CYBB: variants seen among roughly 807,000 people sequenced by gnomAD.
The protein encoded by CYBB is cytochrome b-245 beta chain, also known as NADPH oxidase 2.
CYBB carries 5 observed loss-of-function variants against 46.5 expected under a neutral mutation model. The observed-to-expected ratio is 0.11, with a 90% CI of 0.06 to 0.23. CYBB has a LOEUF of 0.23. Among genes scored for constraint, CYBB ranks in the 10% least tolerant of loss-of-function variants. The probability of loss-of-function intolerance (pLI) is 1.00; values close to 1 mark genes in which losing one functional copy is unlikely to be tolerated. For missense variants in CYBB, 307 were observed against 428.3 expected (o/e 0.72, Z 2.50); for synonymous variants, 183 against 156.7 (o/e 1.17, Z -1.26).
chrX:37,804,100 A>G lies in CYBB; in HGVS notation c.1121A>G (p.Gln374Arg), dbSNP rs782100197. 8.3e-7 allele frequency: 1 copy of G among 1,211,022 alleles called. No homozygotes were observed. The highest frequency in any genetic ancestry group is 1.8e-5 in the South Asian group (1 of 56,997). ...GLFNACGCDK[Q>R]EFQDAWKLPK... ...TTCAATGCTTGTGGCTGTGATAAGC[A>G]GGAGTTTCAAGATGCGTGGAAACTA... is the stretch of plus-strand genomic sequence containing the variant. Residue 374 changes from glutamine to arginine, a missense_variant, in exon 9 of 13, where the codon CAG (glutamine) becomes CGG (arginine). Physicochemically the swap from Gln to Arg is conservative, Grantham distance 43 (BLOSUM62 1). Transcript: ENST00000378588.
At chrX:37,795,482 T>C (rs1929280521) in intron 5 of CYBB, among the ~76,000 whole-genome samples, 1 of 111,775 alleles carries the variant, frequency 8.9e-6, no homozygotes, top group Non-Finnish European at 1.9e-5. Flanking sequence ...GCACATGTTT[T>C]CTAAGTCACT....
At chrX:37,805,632 T>C (rs1373654095) in intron 10 of CYBB, among the ~76,000 whole-genome samples, 1 of 111,619 alleles carries the variant, frequency 9.0e-6, no homozygotes, top group Non-Finnish European at 1.9e-5. Flanking sequence ...TCATGTTCTA[T>C]TGAGAGGATA....
At chrX:37,805,766 A>G (rs782363304) in intron 10 of CYBB, among the ~76,000 whole-genome samples, 1 of 110,839 alleles carries the variant, frequency 9.0e-6, no homozygotes, top group South Asian at 3.8e-4. Context: ...CTGAAACTCT[A>G]CTTATGAATA....
At chrX:37,789,319 CAG>C (rs112829288) in intron 3 of CYBB, among the ~76,000 whole-genome samples, 4,761 of 110,616 alleles carry the variant, frequency 0.043, 296 homozygotes, top group African/African-American at 0.15. Flanking sequence ...AACAAAATCA[CAG>C]AGTGATGTCT....
At chrX:37,785,152 GCT>G (rs1284892875) in intron 3 of CYBB, among the ~76,000 whole-genome samples, 1 of 111,878 alleles carries the variant, frequency 8.9e-6, no homozygotes, top group African/African-American at 3.3e-5. Context: ...CCAAAATTGG[GCT>G]CTCACAAATC....
chrX:37,806,902 G>C (rs28532241), intron 11 of CYBB, among the ~76,000 whole-genome samples: 3 of 102,036 alleles, frequency 2.9e-5, no homozygotes, highest in Admixed American at 1.0e-4. Flanking sequence ...GTCTCTGTGT[G>C]TGTGTGTGTG....
intron 3 of CYBB, among the ~76,000 whole-genome samples, chrX:37,790,466 A>G (rs1372025306): frequency 4.4e-5 from 5 of 112,374 alleles, no homozygotes; most frequent in African/African-American, 1.3e-4. Flanking sequence ...TAAAATGAGG[A>G]CATTAAGATT....
intron 3 of CYBB, among the ~76,000 whole-genome samples, chrX:37,785,071 A>G (rs1929033946): frequency 8.9e-6 from 1 of 112,412 alleles, no homozygotes; most frequent in Non-Finnish European, 1.9e-5. Context: ...ATATAGGACT[A>G]GAGGCTATAA....
chrX:37,788,773 G>A (rs1929130823), intron 3 of CYBB, among the ~76,000 whole-genome samples: 1 of 111,358 alleles, frequency 9.0e-6, no homozygotes, highest in South Asian at 3.8e-4. Flanking sequence ...CTCATTCTCT[G>A]ATTCTTTGGA....
At chrX:37,784,233 A>G (rs1432703189) in intron 3 of CYBB, among the ~76,000 whole-genome samples, 1 of 112,253 alleles carries the variant, frequency 8.9e-6, no homozygotes, top group African/African-American at 3.2e-5. Context: ...TACTAGTATT[A>G]TTGTACAAAG....
chrX:37,780,269 T>A (rs1256443405), intron 1 of CYBB, 147 bp downstream of exon 1: 1 of 502,144 alleles, frequency 2.0e-6, no homozygotes, highest in African/African-American at 2.4e-5. Flanking sequence ...GTAAACAGAC[T>A]GAGTCCATTC....
intron 6 of CYBB, among the ~76,000 whole-genome samples, chrX:37,798,601 A>G (rs1377162317): frequency 8.9e-6 from 1 of 112,042 alleles, no homozygotes; most frequent in East Asian, 2.8e-4. Context: ...AAGGCACTGT[A>G]GGGGCCAGCA....
intron 6 of CYBB, among the ~76,000 whole-genome samples, chrX:37,797,570 A>G (rs1929340064): frequency 8.9e-6 from 1 of 111,810 alleles, no homozygotes; most frequent in South Asian, 3.7e-4. Flanking sequence ...TTGAGAAGAG[A>G]AGGAGAAAAT....
intron 11 of CYBB, among the ~76,000 whole-genome samples, chrX:37,807,156 GACTAA>G (rs1929582756): frequency 9.1e-6 from 1 of 110,427 alleles, no homozygotes; most frequent in Non-Finnish European, 1.9e-5. Flanking sequence ...AGGTAGTCTA[GACTAA>G]ACTAACTATG....
At chrX:37,791,339 C>T (rs1175481146) in intron 3 of CYBB, among the ~76,000 whole-genome samples, 1 of 111,787 alleles carries the variant, frequency 8.9e-6, no homozygotes, top group Non-Finnish European at 1.9e-5. Context: ...ACATCAATTA[C>T]ATTAAAGATT....
At position 37,792,047 on chromosome X, in the gene CYBB, G is replaced by A. The variant is rs1556467120; in HGVS notation, c.325G>A (p.Ala109Thr). Residue 109 changes from alanine (A) to threonine (T), a missense_variant, in exon 4 of 13, where the codon GCA becomes ACA. Ala to Thr is a moderately conservative substitution (Grantham distance 58, BLOSUM62 0). Coordinates refer to ENST00000378588, the MANE Select transcript of CYBB (RefSeq NM_000397.4). ...TCATAAAATGGTGGCATGGATGATT[G>A]CACTTCACTCTGGTAAGTTTATTAA... ...TFHKMVAWMI[A>T]LHSAIHTIAH... 2.5e-6 allele frequency: 3 copies of A among 1,194,446 alleles called. No homozygotes were observed. Among genetic ancestry groups the A allele is most frequent in the Non-Finnish European group, 3.4e-6 (3 of 880,098 alleles).
At chrX:37,782,727 G>A (rs782646586) in intron 2 of CYBB, among the ~76,000 whole-genome samples, 1 of 111,684 alleles carries the variant, frequency 9.0e-6, no homozygotes, top group South Asian at 3.7e-4. Context: ...AGTATTCTGA[G>A]TTTCCTTGAA....
rs1929697115 is a variant in CYBB, at chrX:37,812,566, A to T, written c.*1649A>T. On this transcript the variant is annotated 3_prime_UTR_variant, in exon 13 of 13. Coordinates refer to ENST00000378588, the MANE Select transcript of CYBB (RefSeq NM_000397.4). ...AATTGAAGGAGGTATACACATATTGATGTTGTTTTGATTATCTATGGTATT... is the reference window on the plus strand; with the variant it reads ...AATTGAAGGAGGTATACACATATTGTTGTTGTTTTGATTATCTATGGTATT... 8.9e-6 allele frequency: 1 copy of T among 111,820 alleles called. No individual in the cohort carries two copies. The highest frequency in any genetic ancestry group is 3.3e-5 in the African/African-American group (1 of 30,695). 9.2% of individuals were successfully genotyped at this position (111,820 alleles called of 1,213,427 possible). A position where few individuals can be genotyped will look rare whatever the true frequency, so the allele number is the denominator to read the frequency against.
chrX:37,810,998 C>A lies in CYBB; in HGVS notation c.*81C>A. ...TGCTAATTGATAATATAAATACCCC[C>A]TGCTTAAAAATGGACAAAAAGAAAC... On this transcript the variant is annotated 3_prime_UTR_variant, in exon 13 of 13. Coordinates refer to ENST00000378588, the MANE Select transcript of CYBB (RefSeq NM_000397.4). 2.1e-6 allele frequency: 2 copies of A among 953,305 alleles called. No homozygotes were observed. Among genetic ancestry groups the A allele is most frequent in the East Asian group, 3.3e-5 (1 of 30,451 alleles). 78.6% of individuals were successfully genotyped at this position (953,305 alleles called of 1,213,427 possible). A position where few individuals can be genotyped will look rare whatever the true frequency, so the allele number is the denominator to read the frequency against.
Sources: gnomAD v4.1 joint callset for allele counts (sites outside exome capture counted in the v4.1 genomes callset) on GRCh38, gnomAD v4.1.1 for gene constraint, MANE v1.5 for transcripts, NCBI Gene and HGNC (gene_info 2026-07-23, HGNC 2026-07-21) for gene names.